CNIH3: variants seen among roughly 807,000 people sequenced by gnomAD.
CNIH3 encodes cornichon family AMPA receptor auxiliary protein 3.
Under a neutral mutation model 24.1 loss-of-function variants are expected in CNIH3, and 14 were observed. The observed-to-expected ratio is 0.58, with a 90% CI of 0.38 to 0.91. CNIH3 has a LOEUF of 0.91. CNIH3 is among the 40% of genes least tolerant of loss of function. CNIH3 has a pLI of 0.00. For missense variants in CNIH3, 178 were observed against 196.8 expected (o/e 0.90, Z 0.57); for synonymous variants, 68 against 73.8 (o/e 0.92, Z 0.40).
intron 3 of CNIH3, among the ~76,000 whole-genome samples, chr1:224,560,679 AC>A (rs1396144211): frequency 1.3e-5 from 2 of 148,604 alleles, no homozygotes; most frequent in Non-Finnish European, 3.0e-5. Context: ...GTCTCCCATC[AC>A]CCCCAGATGG....
At chr1:224,476,192 G>A (rs1676580487) in intron 1 of CNIH3, among the ~76,000 whole-genome samples, 1 of 152,162 alleles carries the variant, frequency 6.6e-6, no homozygotes, top group Non-Finnish European at 1.5e-5. Context: ...AACAAGACAA[G>A]GATGCCCACT....
At chr1:224,730,391 T>C (rs776324935) in intron 3 of CNIH3, 71 bp from the exon 4 acceptor site, 1 of 982,076 alleles carries the variant, frequency 1.0e-6, no homozygotes, top group Non-Finnish European at 1.6e-6. Context: ...CAGGCAGAAG[T>C]CAGCTGCCAT....
At chr1:224,479,795 G>T (rs1676732174) in intron 1 of CNIH3, among the ~76,000 whole-genome samples, 1 of 152,190 alleles carries the variant, frequency 6.6e-6, no homozygotes, top group Non-Finnish European at 1.5e-5. Context: ...CATCCCTGTG[G>T]CTTTGCAGGG....
At chr1:224,446,051 T>C (rs1675149712) in intron 1 of CNIH3, among the ~76,000 whole-genome samples, 1 of 152,164 alleles carries the variant, frequency 6.6e-6, no homozygotes, top group Non-Finnish European at 1.5e-5. Flanking sequence ...ATTAGAGCAC[T>C]GTATATGTGT....
intron 1 of CNIH3, among the ~76,000 whole-genome samples, chr1:224,486,201 G>C (rs531331901): frequency 6.6e-6 from 1 of 152,180 alleles, no homozygotes; most frequent in East Asian, 1.9e-4. Context: ...CAACTCCTCT[G>C]CTCAAACGAT....
intron 3 of CNIH3, among the ~76,000 whole-genome samples, chr1:224,608,527 C>T (rs776636568): frequency 2.0e-5 from 3 of 152,134 alleles, no homozygotes; most frequent in Non-Finnish European, 2.9e-5. Context: ...GTAATCAGAA[C>T]GGAACAGAAC....
intron 1 of CNIH3, among the ~76,000 whole-genome samples, chr1:224,643,430 A>G (rs111241224): frequency 2.4e-4 from 37 of 152,326 alleles, no homozygotes; most frequent in African/African-American, 7.5e-4. Flanking sequence ...GTGTAACCAC[A>G]CTGGCCTGCT....
chr1:224,503,142 T>A (rs903794384), intron 1 of CNIH3, among the ~76,000 whole-genome samples: 2 of 152,156 alleles, frequency 1.3e-5, no homozygotes, highest in South Asian at 2.1e-4. Flanking sequence ...AGAAAGAAGA[T>A]GGCCTTTAGT....
intron 1 of CNIH3, among the ~76,000 whole-genome samples, chr1:224,674,380 C>T (rs5002414): frequency 0.047 from 6,380 of 135,572 alleles, 218 homozygotes; most frequent in East Asian, 0.17. Flanking sequence ...AATCTCCTAA[C>T]TATAAATTCT....
At chr1:224,524,988 G>T (rs1181577392) in intron 2 of CNIH3, among the ~76,000 whole-genome samples, 1 of 152,158 alleles carries the variant, frequency 6.6e-6, no homozygotes, top group Non-Finnish European at 1.5e-5. Flanking sequence ...GTAGCGGTTG[G>T]GTGCTCTCTT....
intron 1 of CNIH3, among the ~76,000 whole-genome samples, chr1:224,497,415 T>A (rs1489311414): frequency 6.6e-6 from 1 of 152,246 alleles, no homozygotes; most frequent in Non-Finnish European, 1.5e-5. Flanking sequence ...GAATGATATG[T>A]TGATTTTTAA....
intron 3 of CNIH3, among the ~76,000 whole-genome samples, chr1:224,553,103 T>G (rs1394866919): frequency 6.9e-6 from 1 of 145,408 alleles, no homozygotes; most frequent in Non-Finnish European, 1.5e-5. Context: ...ATATATCTCT[T>G]TTAGATAGTA....
intron 1 of CNIH3, among the ~76,000 whole-genome samples, chr1:224,478,475 T>A (rs560466091): frequency 6.6e-6 from 1 of 152,360 alleles, no homozygotes; most frequent in East Asian, 1.9e-4. Flanking sequence ...TTGCATTTTT[T>A]AACTCCATAA....
chr1:224,637,244 C>T (rs1028066273), intron 1 of CNIH3, among the ~76,000 whole-genome samples: 72 of 152,264 alleles, frequency 4.7e-4, no homozygotes, highest in African/African-American at 1.2e-3. Context: ...TGAACCACCA[C>T]GCCCAGCGAG....
chr1:224,474,622 T>G (rs1676494771), intron 1 of CNIH3, among the ~76,000 whole-genome samples: 1 of 151,728 alleles, frequency 6.6e-6, no homozygotes, highest in South Asian at 2.1e-4. Flanking sequence ...TAAGTGAGAT[T>G]GAAATGAAGA....
Position 224,434,746 on chromosome 1 carries a change from C to T in CNIH3, n.87C>T, listed in dbSNP as rs531451810. The T allele has an allele frequency of 6.1e-6, 6 of 987,012 alleles. No homozygotes were observed. The South Asian group carries it at 1.4e-4, about 22-fold the overall frequency. 61.1% of individuals were successfully genotyped at this position (987,012 alleles called of 1,614,324 possible). A position where few individuals can be genotyped will look rare whatever the true frequency, so the allele number is the denominator to read the frequency against. On this transcript the variant is annotated non_coding_transcript_exon_variant, in exon 1 of 6. Transcript: ENST00000471578. The stretch of plus-strand genomic sequence containing the variant: ...CAGCTGCCGCCTCTGTCCTCGGATC[C>T]GCTCCGCTCTGCTCCCTGGTGTGTT...
intron 3 of CNIH3, among the ~76,000 whole-genome samples, chr1:224,724,437 T>A (rs1287588373): frequency 1.3e-5 from 2 of 152,196 alleles, no homozygotes; most frequent in Non-Finnish European, 2.9e-5. Flanking sequence ...CAGAATGTAG[T>A]TTCCTGACAT....
chr1:224,622,684 T>C (rs1683338281), intron 1 of CNIH3, among the ~76,000 whole-genome samples: 1 of 152,232 alleles, frequency 6.6e-6, no homozygotes. Context: ...TCTTTGACTT[T>C]TGAGTTACTG....
chr1:224,532,250 G>A (rs1679103488), intron 2 of CNIH3, among the ~76,000 whole-genome samples: 1 of 152,182 alleles, frequency 6.6e-6, no homozygotes, highest in Admixed American at 6.5e-5. Flanking sequence ...GAGAGTGCGA[G>A]GAACAGCACA....
Sources: allele counts gnomAD v4.1 joint callset (sites outside exome capture counted in the v4.1 genomes callset), GRCh38; gene constraint gnomAD v4.1.1; transcripts MANE v1.5; gene names NCBI Gene and HGNC (gene_info 2026-07-23, HGNC 2026-07-21).